Variants in SLC22A3 observed in about 807,000 individuals in gnomAD.
SLC22A3 encodes solute carrier family 22 member 3, also known as EMT organic cation transporter 3.
Under a neutral mutation model 59.1 loss-of-function variants are expected in SLC22A3, and 51 were observed. That is an observed-to-expected ratio of 0.86 (90% CI 0.69 to 1.09). The LOEUF (loss-of-function observed/expected upper bound fraction) is 1.09. Among genes scored for constraint, SLC22A3 ranks in the 50% least tolerant of loss-of-function variants. The pLI is 0.00. For synonymous variants in SLC22A3, 325 were observed against 292.0 expected (o/e 1.11, Z -1.15); for missense variants, 711 against 726.3 (o/e 0.98, Z 0.24).
At chr6:160,398,508 C>T (rs1398100904) in intron 2 of SLC22A3, among the ~76,000 whole-genome samples, 2 of 151,878 alleles carry the variant, frequency 1.3e-5, no homozygotes, top group African/African-American at 4.8e-5. Context: ...TTTTTTTAAA[C>T]GAAATCCTTG....
chr6:160,450,706 A>G (rs1026834172), intron 10 of SLC22A3, among the ~76,000 whole-genome samples: 1 of 152,204 alleles, frequency 6.6e-6, no homozygotes, highest in Non-Finnish European at 1.5e-5. Context: ...AAAAGTATTA[A>G]TTTGGGGAAC....
At chr6:160,391,617 A>G (rs1404181442) in intron 1 of SLC22A3, among the ~76,000 whole-genome samples, 6 of 152,212 alleles carry the variant, frequency 3.9e-5, no homozygotes, top group Non-Finnish European at 8.8e-5. Context: ...GTCTTTGCCA[A>G]GAGAACCCAG....
intron 1 of SLC22A3, among the ~76,000 whole-genome samples, chr6:160,349,709 G>C (rs1241368048): frequency 6.6e-6 from 1 of 152,132 alleles, no homozygotes; most frequent in Non-Finnish European, 1.5e-5. Flanking sequence ...TCTCTGTGAG[G>C]TCCAGATATA....
chr6:160,425,785 A>T (rs1047890570), intron 5 of SLC22A3: 14 of 980,874 alleles, frequency 1.4e-5, no homozygotes, highest in Non-Finnish European at 1.7e-5. Flanking sequence ...TATTTGTTGG[A>T]ATATGATAAA....
chr6:160,415,706 A>T lies in SLC22A3; in HGVS notation c.975+4860A>T, dbSNP rs182839128. The stretch of plus-strand genomic sequence containing the variant: ...AGGGTGCCCATTATAGGGTGCGGAG[A>T]AGGTTAGAATGGATTTGAAAGAATG... On this transcript the variant is annotated intron_variant, in intron 5 of 10. Coordinates refer to ENST00000275300, the MANE Select transcript of SLC22A3 (RefSeq NM_021977.4). The surrounding 1 kb of genome is among the most constrained non-coding windows in gnomAD (Gnocchi z 4.1). Among the ~76,000 whole-genome samples, 100 of 152,238 alleles carry T rather than the reference A, an allele frequency of 6.6e-4. 1 individual carries two copies. Among genetic ancestry groups the T allele is most frequent in the South Asian group, 4.6e-3 (22 of 4,824 alleles).
chr6:160,373,821 A>G (rs1583455661), intron 1 of SLC22A3, among the ~76,000 whole-genome samples: 1 of 152,036 alleles, frequency 6.6e-6, no homozygotes, highest in Admixed American at 6.5e-5. Flanking sequence ...GGGGAAAACC[A>G]CCTACTCAAG....
intron 1 of SLC22A3, among the ~76,000 whole-genome samples, chr6:160,387,482 C>G (rs1786069921): frequency 2.0e-5 from 3 of 152,226 alleles, no homozygotes; most frequent in Admixed American, 2.0e-4. Flanking sequence ...GACCCAATCT[C>G]AGCTTAGGCA....
At chr6:160,435,160 T>C (rs1788291605) in intron 5 of SLC22A3, among the ~76,000 whole-genome samples, 1 of 152,186 alleles carries the variant, frequency 6.6e-6, no homozygotes, top group Admixed American at 6.5e-5. Flanking sequence ...TAGGCTGCCA[T>C]ATGCCCAACT....
At position 160,451,103 on chromosome 6, in the gene SLC22A3, T is replaced by G; in HGVS notation, c.*47T>G. The stretch of plus-strand genomic sequence containing the variant: ...GAAGGAGCTATCCAGGAGCTGATCC[T>G]CCTTGCAAAGCTGTGCCTTGCAGAG... On this transcript the variant is annotated 3_prime_UTR_variant, in exon 11 of 11. Coordinates refer to ENST00000275300, the MANE Select transcript of SLC22A3 (RefSeq NM_021977.4). The G allele has an allele frequency of 6.4e-7, 1 of 1,550,460 alleles. No individual in the cohort carries two copies. Among genetic ancestry groups the G allele is most frequent in the Non-Finnish European group, 8.8e-7 (1 of 1,136,904 alleles).
At chr6:160,386,915 C>T (rs1311767557) in intron 1 of SLC22A3, among the ~76,000 whole-genome samples, 1 of 152,198 alleles carries the variant, frequency 6.6e-6, no homozygotes, top group Non-Finnish European at 1.5e-5. Context: ...TGCACACTTC[C>T]CAGGCCGCTT....
chr6:160,426,751 A>G (rs944186211), intron 5 of SLC22A3, among the ~76,000 whole-genome samples: 1 of 152,146 alleles, frequency 6.6e-6, no homozygotes, highest in African/African-American at 2.4e-5. Flanking sequence ...GGTTGCCTTC[A>G]GTAATTGTGA....
At chr6:160,430,422 A>G (rs1313874084) in intron 5 of SLC22A3, among the ~76,000 whole-genome samples, 1 of 151,866 alleles carries the variant, frequency 6.6e-6, no homozygotes, top group African/African-American at 2.4e-5. Flanking sequence ...ACAGATGGTT[A>G]TTTATAATGT....
rs1452561110 is a variant in SLC22A3 at position 160,449,316 on chromosome 6, G to A, written c.1610+1498G>A. Among the ~76,000 whole-genome samples the A allele has an allele frequency of 3.3e-5, 5 of 152,014 alleles. No individual in the cohort carries two copies. In the East Asian group the frequency reaches 9.6e-4, roughly 29 times the overall value. ...CAATACCCAACTAACATATAAACATGAAGGATTATACCAGCAAAAATTTAA... is the reference window on the plus strand; with the variant it reads ...CAATACCCAACTAACATATAAACATAAAGGATTATACCAGCAAAAATTTAA... On this transcript the variant is annotated intron_variant, in intron 10 of 10. Coordinates refer to ENST00000275300, the MANE Select transcript of SLC22A3 (RefSeq NM_021977.4).
intron 7 of SLC22A3, among the ~76,000 whole-genome samples, chr6:160,442,174 G>C (rs1049855298): frequency 1.3e-5 from 2 of 152,200 alleles, no homozygotes; most frequent in African/African-American, 4.8e-5. Flanking sequence ...TAGTACAATG[G>C]GGGATGAAGA....
intron 1 of SLC22A3, among the ~76,000 whole-genome samples, chr6:160,376,340 T>C (rs1012870624): frequency 1.4e-4 from 22 of 151,788 alleles, no homozygotes; most frequent in Non-Finnish European, 7.4e-5. Context: ...CGGGGCCTGG[T>C]TGGCGTGGGG....
At chr6:160,389,031 G>A (rs1195902200) in intron 1 of SLC22A3, among the ~76,000 whole-genome samples, 1 of 152,144 alleles carries the variant, frequency 6.6e-6, no homozygotes, top group African/African-American at 2.4e-5. Flanking sequence ...AAGGAGAGAA[G>A]CCAAGGGGAA....
At chr6:160,412,352 AAACTCTGTCT>A (rs1181021562) in intron 5 of SLC22A3, among the ~76,000 whole-genome samples, 2 of 152,098 alleles carry the variant, frequency 1.3e-5, no homozygotes, top group East Asian at 3.9e-4. Flanking sequence ...AAAAAGAGTG[AAACTCTGTCT>A]AAAAAAGAAC....
At chr6:160,403,049 G>A (rs369844088) in intron 2 of SLC22A3, among the ~76,000 whole-genome samples, 4 of 151,048 alleles carry the variant, frequency 2.6e-5, no homozygotes, top group South Asian at 4.1e-4. Context: ...AGCAGAAATC[G>A]ATAAAATTAG....
intron 7 of SLC22A3, among the ~76,000 whole-genome samples, chr6:160,439,679 G>C (rs1788477416): frequency 2.6e-5 from 4 of 152,152 alleles, no homozygotes; most frequent in Admixed American, 2.6e-4. Flanking sequence ...CCTGATTGAA[G>C]CTTTAGAATT....
Sources: allele counts gnomAD v4.1 joint callset (sites outside exome capture counted in the v4.1 genomes callset), GRCh38; gene constraint gnomAD v4.1.1; non-coding constraint Gnocchi (gnomAD v3.1); transcripts MANE v1.5; gene names NCBI Gene and HGNC (gene_info 2026-07-23, HGNC 2026-07-21).